Variants in EPAS1 observed in about 807,000 individuals in gnomAD.
The protein encoded by EPAS1 is endothelial PAS domain-containing protein 1.
Under a neutral mutation model 87.9 loss-of-function variants are expected in EPAS1, and 23 were observed. The ratio of observed to expected loss-of-function variants is 0.26; its 90% CI spans 0.19 to 0.37. EPAS1 has a LOEUF of 0.37. Among genes scored for constraint, EPAS1 ranks in the 10% least tolerant of loss-of-function variants. EPAS1 has a pLI of 1.00. For missense variants in EPAS1, 1,138 were observed against 1,120.7 expected (o/e 1.02, Z -0.22); for synonymous variants, 508 against 444.3 (o/e 1.14, Z -1.80).
Position 46,297,876 on chromosome 2 carries a change from C to T in EPAS1, c.-36C>T, listed in dbSNP as rs779028117. ...CCCCACCCGCCAGGGAGCCCAGGTG[C>T]TCGGCGTCTGAACGTCTCAAAGGGC... On this transcript the variant is annotated 5_prime_UTR_variant, in exon 1 of 16. Coordinates refer to ENST00000263734, the MANE Select transcript of EPAS1 (RefSeq NM_001430.5). 1.2e-6 allele frequency: 2 copies of T among 1,606,206 alleles called. No homozygotes were observed. Among genetic ancestry groups the T allele is most frequent in the Non-Finnish European group, 1.7e-6 (2 of 1,176,386 alleles).
At chr2:46,372,234 C>T (rs7594912) in intron 7 of EPAS1, among the ~76,000 whole-genome samples, 1 of 151,992 alleles carries the variant, frequency 6.6e-6, no homozygotes, top group Non-Finnish European at 1.5e-5. Context: ...CATAGCTAGC[C>T]AAGGGAAATC....
chr2:46,350,624 T>A (rs1484735186), intron 2 of EPAS1, among the ~76,000 whole-genome samples: 2 of 152,248 alleles, frequency 1.3e-5, no homozygotes, highest in East Asian at 1.9e-4. Context: ...TCCTAAATCC[T>A]CTTTCAAGAT....
chr2:46,376,978 G>A (rs950282351), intron 9 of EPAS1, among the ~76,000 whole-genome samples: 9 of 152,202 alleles, frequency 5.9e-5, no homozygotes, highest in African/African-American at 1.7e-4. Context: ...ACCAAGTGCT[G>A]TACGAGGAGG....
Position 46,384,586 on chromosome 2 carries a change from A to G in EPAS1, c.2539A>G (p.Asn847Asp). ...ACTGACCAGATATGACTGTGAGGTG[A>G]ACGTGCCCGTGCTGGGAAGCTCCAC... ...PELTRYDCEVNVPVLGSSTLL... is the reference protein window; with the variant it reads ...PELTRYDCEVDVPVLGSSTLL... The change falls in exon 16 of 16, where the codon AAC becomes GAC. Residue 847 changes from asparagine (N) to aspartate (D), a missense_variant. Physicochemically the swap from Asn to Asp is conservative, Grantham distance 23 (BLOSUM62 1). Transcript: ENST00000263734. 1.2e-6 allele frequency: 2 copies of G among 1,614,114 alleles called. No homozygotes were observed. Among genetic ancestry groups the G allele is most frequent in the Non-Finnish European group, 1.7e-6 (2 of 1,180,026 alleles).
At chr2:46,362,989 G>GGTGGTGGTGGTGGTA (rs1684430029) in intron 6 of EPAS1, among the ~76,000 whole-genome samples, 1 of 146,730 alleles carries the variant, frequency 6.8e-6, no homozygotes, top group Non-Finnish European at 1.5e-5. Context: ...TGGTGGTGGT[G>GGTGGTGGTGGTGGTA]GTGGTGGTGG....
intron 1 of EPAS1, among the ~76,000 whole-genome samples, chr2:46,325,038 G>C (rs4953343): frequency 0.39 from 58,732 of 152,168 alleles, 13,187 homozygotes; most frequent in East Asian, 0.67. Context: ...AAAAGGTCCA[G>C]TTTATCTTTA....
chr2:46,315,788 G>T (rs1311476987), intron 1 of EPAS1, among the ~76,000 whole-genome samples: 1 of 152,230 alleles, frequency 6.6e-6, no homozygotes, highest in Non-Finnish European at 1.5e-5. Flanking sequence ...AGGGTGGAGG[G>T]CAAGAGGGGC....
Position 46,346,802 on chromosome 2 carries a change from G to A in EPAS1, c.27-71G>A. The stretch of plus-strand genomic sequence containing the variant: ...GCTGCACTGGGGGTTGGGGCCATGG[G>A]GATGTCCTGGCCAGAGGTATGATAG... On this transcript the variant is annotated intron_variant, in intron 1 of 15. Coordinates refer to ENST00000263734, the MANE Select transcript of EPAS1 (RefSeq NM_001430.5). The surrounding 1 kb of genome is among the most constrained non-coding windows in gnomAD (Gnocchi z 4.0). 1 of 1,539,734 alleles carries A rather than the reference G, an allele frequency of 6.5e-7. No homozygotes were observed. Among genetic ancestry groups the A allele is most frequent in the Admixed American group, 1.8e-5 (1 of 55,914 alleles).
At chr2:46,362,415 C>T (rs963697193) in intron 6 of EPAS1, among the ~76,000 whole-genome samples, 11 of 152,186 alleles carry the variant, frequency 7.2e-5, no homozygotes, top group Non-Finnish European at 1.3e-4. Context: ...TCCTCCAAAG[C>T]AAAATCTTCC....
Position 46,308,987 on chromosome 2 carries a change from C to T in EPAS1, c.26+11050C>T, listed in dbSNP as rs565521748. Among the ~76,000 whole-genome samples, 13 of 152,350 alleles carry T rather than the reference C, an allele frequency of 8.5e-5. No homozygotes were observed. The East Asian group carries it at 2.5e-3, about 29-fold the overall frequency. ...GGGGGTGGCGTATGTCCCTGATCAC[C>T]ACTCAAGTGGTAAGCCCTTCAAGAG... is the stretch of plus-strand genomic sequence containing the variant. On this transcript the variant is annotated intron_variant, in intron 1 of 15. Transcript: ENST00000263734.
intron 1 of EPAS1, among the ~76,000 whole-genome samples, chr2:46,332,423 C>T (rs376512653): frequency 3.3e-5 from 5 of 151,726 alleles, no homozygotes; most frequent in East Asian, 1.9e-4. Flanking sequence ...AAATCACTGA[C>T]GGGACCTCAG....
chr2:46,316,146 C>T (rs1334520318), intron 1 of EPAS1, among the ~76,000 whole-genome samples: 3 of 151,980 alleles, frequency 2.0e-5, no homozygotes, highest in African/African-American at 7.3e-5. Context: ...CAGGCCACTA[C>T]AGTAAAGTGA....
At chr2:46,303,063 AC>A in intron 1 of EPAS1, among the ~76,000 whole-genome samples, 1 of 152,226 alleles carries the variant, frequency 6.6e-6, no homozygotes, top group Admixed American at 6.5e-5. Flanking sequence ...ACAGAGCGAG[AC>A]AACGTCAAAG....
At position 46,375,090 on chromosome 2, in the gene EPAS1, C is replaced by G. The variant is rs1372006818; in HGVS notation, c.887-600C>G. ...AAACCTTCAGTGGCCCAAAAGGTGG[C>G]AAGCCTGACAGATGACCTGGAGAAA... On this transcript the variant is annotated intron_variant, in intron 7 of 15. Coordinates refer to ENST00000263734, the MANE Select transcript of EPAS1 (RefSeq NM_001430.5). The surrounding 1 kb of genome is among the most constrained non-coding windows in gnomAD (Gnocchi z 4.1). Among the ~76,000 whole-genome samples, 3 of 147,332 alleles carry G rather than the reference C, an allele frequency of 2.0e-5. No homozygotes were observed. The highest frequency in any genetic ancestry group is 7.4e-5 in the African/African-American group (3 of 40,272).
intron 1 of EPAS1, among the ~76,000 whole-genome samples, chr2:46,323,136 C>A (rs1366472620): frequency 6.6e-6 from 1 of 152,216 alleles, no homozygotes; most frequent in East Asian, 1.9e-4. Context: ...AGTCTACACT[C>A]AGCACACAGG....
At chr2:46,378,900 C>A in intron 11 of EPAS1, 133 bp downstream of exon 11, 1 of 826,458 alleles carries the variant, frequency 1.2e-6, no homozygotes, top group East Asian at 2.6e-5. Flanking sequence ...GCCCAGGTCC[C>A]CTAAAGAGGT....
At chr2:46,307,010 T>C (rs1175172261) in intron 1 of EPAS1, among the ~76,000 whole-genome samples, 1 of 152,226 alleles carries the variant, frequency 6.6e-6, no homozygotes, top group Non-Finnish European at 1.5e-5. Context: ...TAATTCACTT[T>C]CCACAGATTG....
At chr2:46,335,528 T>G (rs1041997958) in intron 1 of EPAS1, among the ~76,000 whole-genome samples, 1 of 151,912 alleles carries the variant, frequency 6.6e-6, no homozygotes, top group Non-Finnish European at 1.5e-5. Context: ...ACACAGTGAT[T>G]ATTTTTGGCA....
Position 46,378,752 on chromosome 2 carries a change from C to T in EPAS1, c.1539C>T (p.Asp513=), listed in dbSNP as rs772594964. 3.1e-6 allele frequency: 5 copies of T among 1,614,044 alleles called. No individual in the cohort carries two copies. In the South Asian group the frequency reaches 5.5e-5, roughly 18 times the overall value. ...KLFAMDTEAK[D]QCSTQTDFNE... Reference sequence around the variant, plus strand: ...TCGCCATGGACACAGAGGCCAAGGACCAATGCAGTACCCAGGTAGATGGCT... The same window carrying T: ...TCGCCATGGACACAGAGGCCAAGGATCAATGCAGTACCCAGGTAGATGGCT... The change falls in exon 11 of 16, where the codon GAC becomes GAT. Residue 513 remains aspartate, a synonymous_variant. Coordinates refer to ENST00000263734, the MANE Select transcript of EPAS1 (RefSeq NM_001430.5).
Sources: gnomAD v4.1 joint callset for allele counts (sites outside exome capture counted in the v4.1 genomes callset) on GRCh38, gnomAD v4.1.1 for gene constraint, Gnocchi (gnomAD v3.1) non-coding constraint, MANE v1.5 for transcripts, NCBI Gene and HGNC (gene_info 2026-07-23, HGNC 2026-07-21) for gene names.